BIRC6: variants seen among roughly 807,000 people sequenced by gnomAD.
The protein encoded by BIRC6 is dual E2 ubiquitin-conjugating enzyme/E3 ubiquitin-protein ligase BIRC6.
Under a neutral mutation model 503.3 loss-of-function variants are expected in BIRC6, and 98 were observed. That is an observed-to-expected ratio of 0.19 (90% CI 0.17 to 0.23). The LOEUF (loss-of-function observed/expected upper bound fraction) is 0.23, where lower values mean the gene tolerates loss of function less well. BIRC6 is among the 10% of genes least tolerant of loss of function. The probability of loss-of-function intolerance (pLI) is 1.00; values close to 1 mark genes in which losing one functional copy is unlikely to be tolerated. For synonymous variants in BIRC6, 2,240 were observed against 2,078.7 expected, an observed-to-expected ratio of 1.08 and a Z score of -2.11; for missense variants, 5,360 against 5,806.0, an observed-to-expected ratio of 0.92 and a Z score of 2.50.
chr2:32,467,863 C>T, intron 27 of BIRC6, 40 bp from the exon 28 acceptor site: 1 of 1,503,802 alleles, frequency 6.6e-7, no homozygotes, highest in Non-Finnish European at 9.1e-7. Flanking sequence ...TTTATTGTGG[C>T]AGATGTGTAT....
rs1011707955 is a variant in BIRC6, at chr2:32,409,003, C to G, written c.1477+2446C>G. On this transcript the variant is annotated intron_variant, in intron 9 of 73. Coordinates refer to ENST00000421745, the MANE Select transcript of BIRC6 (RefSeq NM_016252.4). ...TATATTTGATATTAATGATTGGTGT[C>G]TTCTCTTCCTGAAGTATCTAAAAAG... 2.0e-5 allele frequency among the ~76,000 whole-genome samples: 3 copies of G among 152,124 alleles called. No homozygotes were observed. The South Asian group carries it at 6.2e-4, about 31-fold the overall frequency.
chr2:32,591,953 T>C (rs1177030245), intron 66 of BIRC6, among the ~76,000 whole-genome samples: 1 of 152,180 alleles, frequency 6.6e-6, no homozygotes, highest in Non-Finnish European at 1.5e-5. Context: ...AATGCAGAAG[T>C]TGGTAATCTG....
chr2:32,473,180 A>G lies in BIRC6; in HGVS notation c.6661A>G (p.Ser2221Gly), dbSNP rs1373181409. Residue 2221 changes from serine (S) to glycine (G), a missense_variant, in exon 33 of 74, where the codon AGT (serine) becomes GGT (glycine). Physicochemically the swap from Ser to Gly is moderately conservative, Grantham distance 56. This residue lies in a region of BIRC6 where 2,299 missense variants were observed against 2,267.2 expected (regional missense o/e 1.01). Transcript: ENST00000421745. The stretch of plus-strand genomic sequence containing the variant: ...CTTAAATAGATCTTCTAAAGGCAGC[A>G]GTAGCCTTGATAGATTATATTCCAG... ...QSLNRSSKGS[S>G]SLDRLYSRKI... 6.4e-7 allele frequency: 1 copy of G among 1,566,950 alleles called. No homozygotes were observed. The highest frequency in any genetic ancestry group is 8.7e-7 in the Non-Finnish European group (1 of 1,152,940).
rs35830300 is a variant in BIRC6 at position 32,365,327 on chromosome 2, C to CTT, written c.325+7855_325+7856dup. Among the ~76,000 whole-genome samples the CTT allele has an allele frequency of 4.5e-3, 652 of 143,522 alleles. 7 individuals are homozygous for CTT. The highest frequency in any genetic ancestry group is 6.3e-3 in the Admixed American group (91 of 14,356). The allele number at this position is 143,522 out of a possible 152,430, so 94.2% of individuals were successfully genotyped here. On this transcript the variant is annotated intron_variant, in intron 1 of 73. Coordinates refer to ENST00000421745, the MANE Select transcript of BIRC6 (RefSeq NM_016252.4). ...CACCATAAACAGTCAATAAATGTTA[C>CTT]TTTTTTTTTTTTTTTGAGAGGTCGC... is the stretch of plus-strand genomic sequence containing the variant.
Position 32,514,997 on chromosome 2 carries a change from T to G in BIRC6, c.10576T>G (p.Phe3526Val). 6.2e-7 allele frequency: 1 copy of G among 1,604,774 alleles called. No homozygotes were observed. The highest frequency in any genetic ancestry group is 8.5e-7 in the Non-Finnish European group (1 of 1,174,154). Reference sequence around the variant, plus strand: ...ATATCTTTTATTTTTTAGGTTACTTTTTAATTGGTCCATGTCTCTTCCCTG... The same window carrying G: ...ATATCTTTTATTTTTTAGGTTACTTGTTAATTGGTCCATGTCTCTTCCCTG... ...LLDQELFELL[F>V]NWSMSLPCNM... The change falls in exon 55 of 74, where the codon TTT becomes GTT. Residue 3526 changes from phenylalanine to valine, a missense_variant. Phe to Val is a conservative substitution (Grantham distance 50). Around this residue, in one of 16 missense-constraint regions of BIRC6, gnomAD observed 878 missense variants for 928.9 expected, o/e 0.95. Transcript: ENST00000421745.
chr2:32,536,156 TG>T (rs1165755865), intron 61 of BIRC6, among the ~76,000 whole-genome samples: 3 of 152,218 alleles, frequency 2.0e-5, no homozygotes, highest in African/African-American at 7.2e-5. Flanking sequence ...TGGGGTTGTT[TG>T]TTTTTTTCTT....
intron 45 of BIRC6, among the ~76,000 whole-genome samples, chr2:32,495,237 C>G (rs907353455): frequency 3.3e-5 from 5 of 152,126 alleles, no homozygotes; most frequent in African/African-American, 1.2e-4. Context: ...GTAGTTTAGT[C>G]ACATCTAATA....
Position 32,360,641 on chromosome 2 carries a change from T to A in BIRC6, c.325+3155T>A, listed in dbSNP as rs148106059. 1.7e-4 allele frequency among the ~76,000 whole-genome samples: 26 copies of A among 152,346 alleles called. No homozygotes were observed. In the East Asian group the frequency reaches 5.0e-3, roughly 29 times the overall value. ...AGACCTAGAGCGTATCTTAACTTCC[T>A]GATCCCTTTAGCCAGAAATGACTGA... On this transcript the variant is annotated intron_variant, in intron 1 of 73. Coordinates refer to ENST00000421745, the MANE Select transcript of BIRC6 (RefSeq NM_016252.4).
chr2:32,537,947 A>G (rs1314783577), intron 61 of BIRC6, among the ~76,000 whole-genome samples: 1 of 152,000 alleles, frequency 6.6e-6, no homozygotes, highest in Non-Finnish European at 1.5e-5. Context: ...AGCCTGGGCG[A>G]CAGCGAGACT....
intron 65 of BIRC6, among the ~76,000 whole-genome samples, chr2:32,558,152 A>C (rs1166963387): frequency 1.3e-5 from 2 of 152,326 alleles, no homozygotes; most frequent in East Asian, 3.9e-4. Flanking sequence ...GTATTTTAAT[A>C]GAATTTAAAA....
chr2:32,517,074 T>C (rs1366411368), intron 55 of BIRC6, among the ~76,000 whole-genome samples: 1 of 152,168 alleles, frequency 6.6e-6, no homozygotes, highest in Non-Finnish European at 1.5e-5. Context: ...CTTATACCTA[T>C]AATCCCAGCT....
At chr2:32,595,949 A>G (rs2061646228) in intron 68 of BIRC6, among the ~76,000 whole-genome samples, 1 of 152,154 alleles carries the variant, frequency 6.6e-6, no homozygotes, top group Admixed American at 6.5e-5. Context: ...CAGCTTGGCA[A>G]TCTAGTCTGT....
In BIRC6 at chr2:32,515,213, A is replaced by G. The variant is rs374904490; in HGVS notation, c.10792A>G (p.Asn3598Asp). Reference protein sequence around the residue: ...LSSSLTDDSKNAQAPLALTES... With the variant: ...LSSSLTDDSKDAQAPLALTES... ...TTCATCTTTAACAGATGACTCTAAAAATGCACAAGCACCTCTCGCATTAAC... is the reference window on the plus strand; with the variant it reads ...TTCATCTTTAACAGATGACTCTAAAGATGCACAAGCACCTCTCGCATTAAC... The change falls in exon 55 of 74, where the codon AAT becomes GAT. Residue 3598 changes from asparagine (N) to aspartate (D), a missense_variant. Physicochemically the swap from Asn to Asp is conservative, Grantham distance 23. Transcript: ENST00000421745. 1.9e-6 allele frequency: 3 copies of G among 1,613,960 alleles called. No homozygotes were observed. Among genetic ancestry groups the G allele is most frequent in the Non-Finnish European group, 1.7e-6 (2 of 1,179,890 alleles).
At chr2:32,552,864 A>G (rs935339354) in intron 65 of BIRC6, among the ~76,000 whole-genome samples, 9 of 149,992 alleles carry the variant, frequency 6.0e-5, no homozygotes, top group Non-Finnish European at 1.3e-4. Flanking sequence ...CTAATTATAT[A>G]TTTATATATT....
intron 61 of BIRC6, chr2:32,532,344 A>G (rs2056853093): frequency 2.3e-6 from 1 of 439,704 alleles, no homozygotes; most frequent in Non-Finnish European, 4.6e-6. Flanking sequence ...TTCAGGCTGT[A>G]GGGAAGACTC....
intron 1 of BIRC6, among the ~76,000 whole-genome samples, chr2:32,361,909 T>C (rs1381572399): frequency 6.6e-6 from 1 of 152,244 alleles, no homozygotes; most frequent in Non-Finnish European, 1.5e-5. Flanking sequence ...ATTGTCTGGA[T>C]GTAGCACAGT....
At position 32,508,161 on chromosome 2, in the gene BIRC6, A is replaced by C. The variant is rs1188223410; in HGVS notation, c.9882A>C (p.Ser3294=). The part of the protein sequence containing the change: ...RPRDASTLGL[S]QIKLLGLTAF... ...GGGATGCCAGCACATTAGGCCTTTCACAAATTAAATTATTGGGGCTCACTG... is the reference window on the plus strand; with the variant it reads ...GGGATGCCAGCACATTAGGCCTTTCCCAAATTAAATTATTGGGGCTCACTG... The change falls in exon 51 of 74, where the codon TCA becomes TCC. Residue 3294 remains serine, a synonymous_variant. Coordinates refer to ENST00000421745, the MANE Select transcript of BIRC6 (RefSeq NM_016252.4). 1 of 1,613,764 alleles carries C rather than the reference A, an allele frequency of 6.2e-7. No homozygotes were observed. Among genetic ancestry groups the C allele is most frequent in the Admixed American group, 1.7e-5 (1 of 59,992 alleles).
intron 32 of BIRC6, among the ~76,000 whole-genome samples, 179 bp downstream of exon 32, chr2:32,471,303 A>G (rs1055503805): frequency 3.3e-5 from 5 of 152,236 alleles, no homozygotes; most frequent in Non-Finnish European, 7.3e-5. Context: ...GATAACATTT[A>G]TACTTGGTGG....
intron 1 of BIRC6, among the ~76,000 whole-genome samples, chr2:32,375,000 GTAT>G (rs2149328476): frequency 6.6e-6 from 1 of 152,136 alleles, no homozygotes; most frequent in South Asian, 2.1e-4. Flanking sequence ...CATGAACATG[GTAT>G]TATTTAGGCT....
Sources: gnomAD v4.1 joint callset for allele counts (sites outside exome capture counted in the v4.1 genomes callset) on GRCh38, gnomAD v4.1.1 for gene constraint, gnomAD v4.1.1 regional missense constraint, MANE v1.5 for transcripts, NCBI Gene and HGNC (gene_info 2026-07-23, HGNC 2026-07-21) for gene names.